Variants in ARIH1 observed in about 807,000 individuals in gnomAD.
ARIH1 encodes ariadne RBR E3 ubiquitin protein ligase 1, also known as E3 ubiquitin-protein ligase ARIH1.
In ARIH1, 8 loss-of-function variants were observed where a neutral mutation model predicts 85.0. That is an observed-to-expected ratio of 0.09 (90% CI 0.06 to 0.17). The LOEUF (loss-of-function observed/expected upper bound fraction) is 0.17. Ranked by LOEUF, ARIH1 falls within the 10% of genes least tolerant of loss-of-function variation. The pLI is 1.00. For synonymous variants in ARIH1, 238 were observed against 253.6 expected, an observed-to-expected ratio of 0.94 and a Z score of 0.59; for missense variants, 311 against 718.1, an observed-to-expected ratio of 0.43 and a Z score of 6.48.
At chr15:72,573,497 G>T (rs1201502310) in intron 11 of ARIH1, among the ~76,000 whole-genome samples, 1 of 152,074 alleles carries the variant, frequency 6.6e-6, no homozygotes, top group African/African-American at 2.4e-5. Context: ...GGAGGTGGAG[G>T]TTGCAGTGAG....
chr15:72,549,076 GTCTC>G lies in ARIH1; in HGVS notation c.588+4122_588+4125del, dbSNP rs1351194862. On this transcript the variant is annotated intron_variant, in intron 3 of 13. Coordinates refer to ENST00000379887, the MANE Select transcript of ARIH1 (RefSeq NM_005744.5). ...TAGGAAATGTAGCTTCGACTACAGCGTCTCTCTCTCTCTTTTTTTTTTTTTTTTT... is the reference window on the plus strand; with the variant it reads ...TAGGAAATGTAGCTTCGACTACAGCGTCTCTCTCTTTTTTTTTTTTTTTTT... 1.5e-4 allele frequency among the ~76,000 whole-genome samples: 22 copies of G among 150,424 alleles called. 1 individual carries two copies. The highest frequency in any genetic ancestry group is 5.8e-4 in the East Asian group (3 of 5,138).
Position 72,587,635 on chromosome 15 carries a change from T to A in ARIH1, c.*4343T>A, listed in dbSNP as rs996285754. 6.5e-6 allele frequency: 1 copy of A among 153,742 alleles called. No individual in the cohort carries two copies. The highest frequency in any genetic ancestry group is 2.4e-5 in the African/African-American group (1 of 41,468). 9.5% of individuals were successfully genotyped at this position (153,742 alleles called of 1,614,324 possible). On this transcript the variant is annotated 3_prime_UTR_variant, in exon 14 of 14. Transcript: ENST00000379887. Reference sequence around the variant, plus strand: ...AGCAGTGAGTTTTATGAGAAAATTTTGGCTCCTTCAGAAACAGGAAGATAA... The same window carrying A: ...AGCAGTGAGTTTTATGAGAAAATTTAGGCTCCTTCAGAAACAGGAAGATAA...
chr15:72,535,975 G>A (rs763944527), intron 2 of ARIH1, among the ~76,000 whole-genome samples: 4 of 152,176 alleles, frequency 2.6e-5, no homozygotes, highest in Non-Finnish European at 5.9e-5. Flanking sequence ...TTGTAAATAA[G>A]TTATAACATT....
At position 72,583,882 on chromosome 15, in the gene ARIH1, C is replaced by T. The variant is rs1438612197; in HGVS notation, c.*590C>T. The stretch of plus-strand genomic sequence containing the variant: ...AAAACTTTGTATATGACTTTTAAAA[C>T]AAGAGGACAACACAGTATTTTTCAA... On this transcript the variant is annotated 3_prime_UTR_variant, in exon 14 of 14. Coordinates refer to ENST00000379887, the MANE Select transcript of ARIH1 (RefSeq NM_005744.5). 1 of 152,192 alleles carries T rather than the reference C, an allele frequency of 6.6e-6. No homozygotes were observed. The highest frequency in any genetic ancestry group is 1.5e-5 in the Non-Finnish European group (1 of 68,046). The allele number at this position is 152,192 out of a possible 1,614,324, so 9.4% of individuals were successfully genotyped here.
intron 1 of ARIH1, among the ~76,000 whole-genome samples, chr15:72,493,898 G>A (rs2063869434): frequency 8.1e-6 from 1 of 123,172 alleles, no homozygotes; most frequent in Admixed American, 8.7e-5. Flanking sequence ...TATTGTTTGT[G>A]CATACATATA....
At position 72,546,943 on chromosome 15, in the gene ARIH1, G is replaced by C. The variant is rs1373994306; in HGVS notation, c.588+1979G>C. Among the ~76,000 whole-genome samples, 13 of 144,974 alleles carry C rather than the reference G, an allele frequency of 9.0e-5. 1 individual carries two copies. Among genetic ancestry groups the C allele is most frequent in the African/African-American group, 3.0e-4 (11 of 36,562 alleles). On this transcript the variant is annotated intron_variant, in intron 3 of 13. Transcript: ENST00000379887. The stretch of plus-strand genomic sequence containing the variant: ...TTTTCTTTTTTTTTGGAGGGGGGGG[G>C]GTGGGACGGAGTCTTGCTCTGTCGC...
chr15:72,547,735 T>G (rs1026669369), intron 3 of ARIH1, among the ~76,000 whole-genome samples: 5 of 152,246 alleles, frequency 3.3e-5, no homozygotes, highest in African/African-American at 1.2e-4. Flanking sequence ...TATATAGTGC[T>G]TACAGTTAAA....
At chr15:72,578,183 CTTTCGTGA>C (rs1454024460) in intron 11 of ARIH1, among the ~76,000 whole-genome samples, 4 of 152,188 alleles carry the variant, frequency 2.6e-5, no homozygotes, top group African/African-American at 9.7e-5. Context: ...TCCACAGTCT[CTTTCGTGA>C]TTTCCTTGAT....
At position 72,598,066 on chromosome 15, in the gene ARIH1, C is replaced by G. The variant is rs565304443; in HGVS notation, c.*14774C>G. The G allele has an allele frequency of 3.9e-5, 6 of 152,442 alleles. No homozygotes were observed. The highest frequency in any genetic ancestry group is 7.3e-5 in the Non-Finnish European group (5 of 68,202). The allele number at this position is 152,442 out of a possible 1,614,324, so 9.4% of individuals were successfully genotyped here. ...CTGCCTTCCTGGCTCAGTTGATCCT[C>G]CCACCTCAGCCTCCTGAGCAGCTGG... On this transcript the variant is annotated 3_prime_UTR_variant, in exon 14 of 14. Transcript: ENST00000379887.
At position 72,511,073 on chromosome 15, in the gene ARIH1, A is replaced by T. The variant is rs541139943; in HGVS notation, c.376-6994A>T. The stretch of plus-strand genomic sequence containing the variant: ...ATAGGTCAGTTTGGGAAGAATTAAC[A>T]TTTTAATTATGTTGTTTTCCAATCC... On this transcript the variant is annotated intron_variant, in intron 1 of 13. Transcript: ENST00000379887. 1.6e-3 allele frequency among the ~76,000 whole-genome samples: 240 copies of T among 152,274 alleles called. 3 individuals carry two copies. The highest frequency in any genetic ancestry group is 2.5e-3 in the Non-Finnish European group (170 of 68,020).
At chr15:72,536,628 T>G (rs1214091643) in intron 2 of ARIH1, among the ~76,000 whole-genome samples, 1 of 152,156 alleles carries the variant, frequency 6.6e-6, no homozygotes, top group Non-Finnish European at 1.5e-5. Flanking sequence ...GATGGCATAG[T>G]TTATTGTAAT....
At chr15:72,572,894 A>G (rs900143672) in intron 11 of ARIH1, among the ~76,000 whole-genome samples, 23 of 152,212 alleles carry the variant, frequency 1.5e-4, no homozygotes, top group African/African-American at 5.3e-4. Context: ...GAAATTCCCT[A>G]TTGCTAGGTA....
rs537348004 is a variant in ARIH1, at chr15:72,525,878, C to T, written c.443+7744C>T. Reference sequence around the variant, plus strand: ...CTGGTCTCAAACTCCTAGACACAAGCGATCCTCTCACCTCAGCCCCACAAA... The same window carrying T: ...CTGGTCTCAAACTCCTAGACACAAGTGATCCTCTCACCTCAGCCCCACAAA... On this transcript the variant is annotated intron_variant, in intron 2 of 13. Coordinates refer to ENST00000379887, the MANE Select transcript of ARIH1 (RefSeq NM_005744.5). Among the ~76,000 whole-genome samples the T allele has an allele frequency of 1.2e-4, 18 of 151,956 alleles. No individual in the cohort carries two copies. In the South Asian group the frequency reaches 1.9e-3, roughly 16 times the overall value.
chr15:72,474,472 C>A lies in ARIH1; in HGVS notation c.-168C>A. ...TCCTCCGCGCCCTCCCCGCCGCCAC[C>A]AGCCGTCAAACGCCAACCGCCGCTC... On this transcript the variant is annotated 5_prime_UTR_variant, in exon 1 of 14. Coordinates refer to ENST00000379887, the MANE Select transcript of ARIH1 (RefSeq NM_005744.5). 1.1e-6 allele frequency: 1 copy of A among 895,744 alleles called. No homozygotes were observed. The highest frequency in any genetic ancestry group is 3.3e-5 in the Admixed American group (1 of 30,684). The allele number at this position is 895,744 out of a possible 1,614,324, so 55.5% of individuals were successfully genotyped here.
intron 2 of ARIH1, among the ~76,000 whole-genome samples, chr15:72,524,447 C>T (rs146658231): frequency 6.6e-6 from 1 of 151,816 alleles, no homozygotes; most frequent in Non-Finnish European, 1.5e-5. Context: ...ACTCTGACCT[C>T]AAGTGATCCG....
intron 1 of ARIH1, among the ~76,000 whole-genome samples, chr15:72,508,042 T>C (rs1030184875): frequency 2.6e-5 from 4 of 152,222 alleles, no homozygotes; most frequent in Non-Finnish European, 4.4e-5. Context: ...GATGAAAATA[T>C]ATATATTCAT....
intron 9 of ARIH1, 84 bp from the exon 10 acceptor site, chr15:72,570,093 C>T (rs2064236606): frequency 6.7e-7 from 1 of 1,496,154 alleles, no homozygotes; most frequent in Non-Finnish European, 9.1e-7. Context: ...TAAAAACAAA[C>T]CAAATCTAGA....
chr15:72,493,332 T>G (rs1345150298), intron 1 of ARIH1, among the ~76,000 whole-genome samples: 1 of 152,066 alleles, frequency 6.6e-6, no homozygotes, highest in Non-Finnish European at 1.5e-5. Flanking sequence ...TCTTATGGAT[T>G]GTTGATTAGA....
intron 1 of ARIH1, among the ~76,000 whole-genome samples, chr15:72,488,597 A>T (rs1172356369): frequency 6.6e-6 from 1 of 152,176 alleles, no homozygotes; most frequent in Non-Finnish European, 1.5e-5. Flanking sequence ...TGAAGGTGAG[A>T]ACTAAAACTC....
Sources: gnomAD v4.1 joint callset for allele counts (sites outside exome capture counted in the v4.1 genomes callset) on GRCh38, gnomAD v4.1.1 for gene constraint, MANE v1.5 for transcripts, NCBI Gene and HGNC (gene_info 2026-07-23, HGNC 2026-07-21) for gene names.